TM4SF19: variants seen among roughly 807,000 people sequenced by gnomAD.
TM4SF19 encodes transmembrane 4 L six family member 19, also known as transmembrane 4 L6 family member 19.
TM4SF19 carries 17 observed loss-of-function variants against 21.8 expected under a neutral mutation model. The observed-to-expected ratio is 0.78, with a 90% CI of 0.53 to 1.17. The LOEUF is 1.17. TM4SF19 is among the 50% of genes most tolerant of loss of function. The pLI is 0.00. For synonymous variants in TM4SF19, 107 were observed against 106.7 expected, an observed-to-expected ratio of 1.00 and a Z score of -0.02; for missense variants, 216 against 252.1, an observed-to-expected ratio of 0.86 and a Z score of 0.97.
chr3:196,333,030 T>C (rs1001590126), intron 1 of TM4SF19, among the ~76,000 whole-genome samples: 5 of 152,064 alleles, frequency 3.3e-5, no homozygotes, highest in African/African-American at 1.2e-4. Flanking sequence ...TTTAGTTCTA[T>C]AGAGACAGGG....
rs1449194374 is a variant in TM4SF19, at chr3:196,325,812, CAG to C, written c.279+1141_279+1142del. Among the ~76,000 whole-genome samples, 1 of 152,196 alleles carries C rather than the reference CAG, an allele frequency of 6.6e-6. No individual in the cohort carries two copies. Among genetic ancestry groups the C allele is most frequent in the Non-Finnish European group, 1.5e-5 (1 of 68,038 alleles). On this transcript the variant is annotated intron_variant, in intron 3 of 4. Transcript: ENST00000273695. The surrounding 1 kb of genome is among the most constrained non-coding windows in gnomAD (Gnocchi z 4.3). ...GCAAAACTTCCCCGCCATCCTGAAT[CAG>C]AAACTCTGGGGAGGGAGCCCAGCAA...
rs1362791419 is a variant in TM4SF19 at position 196,324,523 on chromosome 3, C to T, written c.280-83G>A. The T allele has an allele frequency of 4.7e-5, 71 of 1,496,050 alleles. No individual in the cohort carries two copies. The South Asian group carries it at 6.2e-4, about 13-fold the overall frequency. The allele number at this position is 1,496,050 out of a possible 1,614,324, so 92.7% of individuals were successfully genotyped here. A position where few individuals can be genotyped will look rare whatever the true frequency, so the allele number is the denominator to read the frequency against. ...AGGGAGGAGAAACGCTGAGCTAAGA[C>T]GGGGTCGCAGCTGGGGAGTCTGTGG... is the stretch of plus-strand genomic sequence containing the variant. On this transcript the variant is annotated intron_variant, in intron 3 of 4. Coordinates refer to ENST00000273695, the MANE Select transcript of TM4SF19 (RefSeq NM_138461.4).
intron 3 of TM4SF19, among the ~76,000 whole-genome samples, chr3:196,326,218 G>A (rs891983488): frequency 3.3e-5 from 5 of 151,946 alleles, no homozygotes; most frequent in African/African-American, 7.3e-5. Context: ...CAGGTGATCC[G>A]CCCATCTTGG....
chr3:196,332,666 G>C (rs1198164251), intron 1 of TM4SF19, among the ~76,000 whole-genome samples: 2 of 151,702 alleles, frequency 1.3e-5, no homozygotes, highest in Non-Finnish European at 2.9e-5. Flanking sequence ...TATGTTCCAA[G>C]AGCTCCAGCG....
At chr3:196,335,366 G>T (rs188297298) in intron 1 of TM4SF19, among the ~76,000 whole-genome samples, 8 of 70,164 alleles carry the variant, frequency 1.1e-4, no homozygotes, top group African/African-American at 2.5e-4. Context: ...TGGGAGGGTG[G>T]GGGTAGGAGA....
At chr3:196,328,083 C>T (rs1488320028) in intron 1 of TM4SF19, among the ~76,000 whole-genome samples, 3 of 152,066 alleles carry the variant, frequency 2.0e-5, no homozygotes, top group South Asian at 4.2e-4. Context: ...AGGCGGATCA[C>T]GAGGTCAGGA....
At chr3:196,330,640 A>C (rs1173001876) in intron 1 of TM4SF19, among the ~76,000 whole-genome samples, 1 of 152,202 alleles carries the variant, frequency 6.6e-6, no homozygotes, top group Non-Finnish European at 1.5e-5. Flanking sequence ...ATATATACGA[A>C]ATTCTAGAAA....
In TM4SF19 at chr3:196,327,042, A is replaced by G. The variant is rs200105961; in HGVS notation, c.202-10T>C. 7.8e-5 allele frequency: 125 copies of G among 1,598,018 alleles called. No homozygotes were observed. In the East Asian group the frequency reaches 2.4e-3, roughly 31 times the overall value. On this transcript the variant is annotated splice_polypyrimidine_tract_variant and intron_variant, in intron 2 of 4. Coordinates refer to ENST00000273695, the MANE Select transcript of TM4SF19 (RefSeq NM_138461.4). Reference sequence around the variant, plus strand: ...TAGCTGCAGTGAGTACCTGCAGGAGAGAGAAGAATGTTGAGATGGGGAAAT... The same window carrying G: ...TAGCTGCAGTGAGTACCTGCAGGAGGGAGAAGAATGTTGAGATGGGGAAAT...
intron 1 of TM4SF19, among the ~76,000 whole-genome samples, chr3:196,336,869 G>T (rs1038334761): frequency 3.9e-5 from 6 of 152,094 alleles, no homozygotes; most frequent in African/African-American, 1.4e-4. Context: ...CTCTACATCT[G>T]TGTCTCTCCC....
intron 1 of TM4SF19, among the ~76,000 whole-genome samples, chr3:196,334,424 G>T (rs73212189): frequency 0.045 from 6,812 of 151,066 alleles, 203 homozygotes; most frequent in South Asian, 0.12. Flanking sequence ...TCCCAGGCTG[G>T]AGCTCAGAAA....
In TM4SF19 at chr3:196,332,213, C is replaced by G. The variant is rs370883634; in HGVS notation, c.-1-4622G>C. Reference sequence around the variant, plus strand: ...GTGAACCTGGGGGGCTGAGATCACGCCAGTGCACTCCAGCCTGGGCAAGAG... The same window carrying G: ...GTGAACCTGGGGGGCTGAGATCACGGCAGTGCACTCCAGCCTGGGCAAGAG... On this transcript the variant is annotated intron_variant, in intron 1 of 4. Coordinates refer to ENST00000273695, the MANE Select transcript of TM4SF19 (RefSeq NM_138461.4). 3.4e-4 allele frequency among the ~76,000 whole-genome samples: 51 copies of G among 151,796 alleles called. 1 individual carries two copies. The South Asian group carries it at 0.01, about 30-fold the overall frequency.
intron 1 of TM4SF19, among the ~76,000 whole-genome samples, chr3:196,336,395 C>T (rs2108814303): frequency 6.6e-6 from 1 of 152,310 alleles, no homozygotes; most frequent in South Asian, 2.1e-4. Flanking sequence ...ACCTTGGCCT[C>T]CTAAAGTGCT....
Position 196,324,415 on chromosome 3 carries a change from C to T in TM4SF19, c.305G>A (p.Gly102Asp). Residue 102 changes from glycine (G) to aspartate (D), a missense_variant, in exon 4 of 5, where the codon GGC (glycine) becomes GAC (aspartate). Coordinates refer to ENST00000273695, the MANE Select transcript of TM4SF19 (RefSeq NM_138461.4). ...AATCAGGGCTCCAAGTAAAGCCAGGCCACCTGACAACAGAGCAGTAAGCAC... is the reference window on the plus strand; with the variant it reads ...AATCAGGGCTCCAAGTAAAGCCAGGTCACCTGACAACAGAGCAGTAAGCAC... Reference protein sequence around the residue: ...RSVLTALLSGGLALLGALICF... With the variant: ...RSVLTALLSGDLALLGALICF... The T allele has an allele frequency of 1.2e-6, 2 of 1,614,114 alleles. No homozygotes were observed. The highest frequency in any genetic ancestry group is 1.1e-5 in the South Asian group (1 of 91,080).
intron 1 of TM4SF19, 59 bp from the exon 2 acceptor site, chr3:196,327,650 C>A: frequency 2.1e-6 from 3 of 1,435,716 alleles, no homozygotes; most frequent in Non-Finnish European, 2.9e-6. Context: ...GGGAAGGGAA[C>A]TCCAGCAGCA....
Position 196,337,877 on chromosome 3 carries a change from C to G in TM4SF19, c.-2+387G>C, listed in dbSNP as rs565549883. ...TCTGCCCCTCAGCCGAATCTCTCCC[C>G]CGAGAAGGCAAGGATTGAGTTTGCT... is the stretch of plus-strand genomic sequence containing the variant. On this transcript the variant is annotated intron_variant, in intron 1 of 4. Coordinates refer to ENST00000273695, the MANE Select transcript of TM4SF19 (RefSeq NM_138461.4). 2.2e-4 allele frequency among the ~76,000 whole-genome samples: 34 copies of G among 152,198 alleles called. No homozygotes were observed. In the South Asian group the frequency reaches 7.1e-3, roughly 32 times the overall value.
intron 1 of TM4SF19, among the ~76,000 whole-genome samples, chr3:196,330,266 G>A (rs1212532825): frequency 6.6e-6 from 1 of 152,104 alleles, no homozygotes; most frequent in Non-Finnish European, 1.5e-5. Flanking sequence ...CTGGGCCACT[G>A]CCCACGGTTT....
chr3:196,329,855 AG>A (rs1428063428), intron 1 of TM4SF19, among the ~76,000 whole-genome samples: 2 of 119,136 alleles, frequency 1.7e-5, no homozygotes, highest in African/African-American at 5.6e-5. Context: ...AGAGGTTTTC[AG>A]GTTTTGTTTT....
intron 1 of TM4SF19, among the ~76,000 whole-genome samples, chr3:196,335,708 G>A (rs1727729983): frequency 6.6e-6 from 1 of 151,960 alleles, no homozygotes; most frequent in Non-Finnish European, 1.5e-5. Flanking sequence ...CTGCTCCTGG[G>A]AGCAGGGCGC....
chr3:196,324,772 A>G (rs543367461), intron 3 of TM4SF19: 1 of 256,820 alleles, frequency 3.9e-6, no homozygotes, highest in East Asian at 7.9e-5. Context: ...AACCTTTTGC[A>G]CATTACAGCC....
Sources: allele counts gnomAD v4.1 joint callset (sites outside exome capture counted in the v4.1 genomes callset), GRCh38; gene constraint gnomAD v4.1.1; non-coding constraint Gnocchi (gnomAD v3.1); transcripts MANE v1.5; gene names NCBI Gene and HGNC (gene_info 2026-07-23, HGNC 2026-07-21).